Variants in LRBA observed in about 807,000 individuals in gnomAD.
LRBA encodes the protein lipopolysaccharide-responsive and beige-like anchor protein.
LRBA carries 176 observed loss-of-function variants against 330.0 expected under a neutral mutation model. That is an observed-to-expected ratio of 0.53 (90% CI 0.47 to 0.60). LRBA has a LOEUF of 0.60. Ranked by LOEUF, LRBA falls within the 20% of genes least tolerant of loss-of-function variation. The pLI, the probability that LRBA is intolerant of heterozygous loss-of-function variation, is 0.00. For synonymous variants in LRBA, 1,230 were observed against 1,193.0 expected (o/e 1.03, Z -0.64); for missense variants, 3,259 against 3,444.8 (o/e 0.95, Z 1.35).
At chr4:150,512,888 T>A (rs1038592084) in intron 40 of LRBA, among the ~76,000 whole-genome samples, 1 of 152,208 alleles carries the variant, frequency 6.6e-6, no homozygotes, top group Non-Finnish European at 1.5e-5. Context: ...AATTCTGCTT[T>A]AGAAGACAAG....
At chr4:150,859,540 A>G (rs1422324787) in intron 22 of LRBA, among the ~76,000 whole-genome samples, 1 of 152,132 alleles carries the variant, frequency 6.6e-6, no homozygotes, top group Non-Finnish European at 1.5e-5. Flanking sequence ...TACTAGGTGC[A>G]CTCTTTAAAA....
chr4:150,453,692 G>A (rs1291572900), intron 44 of LRBA, among the ~76,000 whole-genome samples: 3 of 151,838 alleles, frequency 2.0e-5, no homozygotes, highest in East Asian at 1.9e-4. Context: ...ATATATACAC[G>A]TACACTATCT....
chr4:150,553,419 A>G (rs1032142846), intron 40 of LRBA, among the ~76,000 whole-genome samples: 1 of 151,998 alleles, frequency 6.6e-6, no homozygotes, highest in Admixed American at 6.6e-5. Context: ...GTACATATGT[A>G]ACAAACCTGC....
In LRBA at chr4:150,651,321, G is replaced by A. The variant is rs188182743; in HGVS notation, c.5921+32230C>T. On this transcript the variant is annotated intron_variant, in intron 37 of 56. Transcript: ENST00000651943. ...ATCCCCAATAACAACTAAGTTCTAT[G>A]TGCACGGTGACACGGCTATCCTGTT... 9.2e-5 allele frequency among the ~76,000 whole-genome samples: 14 copies of A among 152,240 alleles called. No homozygotes were observed. The East Asian group carries it at 2.3e-3, about 25-fold the overall frequency.
At chr4:150,947,145 T>A (rs1340958083) in intron 2 of LRBA, among the ~76,000 whole-genome samples, 2 of 151,022 alleles carry the variant, frequency 1.3e-5, no homozygotes, top group East Asian at 1.9e-4. Context: ...TAAATATTTT[T>A]TAAAAAATTA....
intron 37 of LRBA, among the ~76,000 whole-genome samples, chr4:150,640,567 G>C (rs551374635): frequency 1.3e-5 from 2 of 152,110 alleles, no homozygotes; most frequent in Non-Finnish European, 2.9e-5. Context: ...CAAACTACCT[G>C]TGATATAAAG....
At chr4:150,408,821 T>A (rs1746556370) in intron 47 of LRBA, among the ~76,000 whole-genome samples, 1 of 152,154 alleles carries the variant, frequency 6.6e-6, no homozygotes, top group Non-Finnish European at 1.5e-5. Context: ...CCTATTCCAA[T>A]ATCACATAGA....
At chr4:150,718,423 C>T (rs552846671) in intron 36 of LRBA, among the ~76,000 whole-genome samples, 1 of 151,968 alleles carries the variant, frequency 6.6e-6, no homozygotes, top group South Asian at 2.1e-4. Context: ...AGCTTGAATT[C>T]AAGGCTGAAT....
chr4:150,890,034 G>C (rs959786634), intron 17 of LRBA, among the ~76,000 whole-genome samples: 1 of 152,044 alleles, frequency 6.6e-6, no homozygotes, highest in African/African-American at 2.4e-5. Context: ...AGCCATAAAC[G>C]GGAAGAAGAC....
chr4:150,636,906 C>T (rs561530628), intron 37 of LRBA, among the ~76,000 whole-genome samples: 1 of 152,110 alleles, frequency 6.6e-6, no homozygotes, highest in Non-Finnish European at 1.5e-5. Flanking sequence ...CCTCTGCCTC[C>T]CAAAATGCTG....
At chr4:150,883,977 T>A (rs996495102) in intron 17 of LRBA, among the ~76,000 whole-genome samples, 3 of 152,040 alleles carry the variant, frequency 2.0e-5, no homozygotes, top group Non-Finnish European at 4.4e-5. Flanking sequence ...CCGAAAAAAA[T>A]TTTCACTGAA....
rs200728964 is a variant in LRBA at position 150,611,732 on chromosome 4, CA to C, written c.5922-12602del. On this transcript the variant is annotated intron_variant, in intron 37 of 56. Transcript: ENST00000651943. ...AACTAAGTACTGTGTAGTGCAGGGT[CA>C]GTATTTGTAAGTAAGTAGCCTGAAA... Among the ~76,000 whole-genome samples, 1,263 of 152,116 alleles carry C rather than the reference CA, an allele frequency of 8.3e-3. 12 individuals carry two copies. The highest frequency in any genetic ancestry group is 0.029 in the African/African-American group (1,197 of 41,506).
intron 40 of LRBA, among the ~76,000 whole-genome samples, chr4:150,587,351 T>C (rs756435442): frequency 2.0e-5 from 3 of 152,158 alleles, no homozygotes; most frequent in Non-Finnish European, 4.4e-5. Flanking sequence ...AGATTGCTTA[T>C]TTTGCTCATT....
intron 2 of LRBA, among the ~76,000 whole-genome samples, chr4:150,967,001 T>A (rs1165581213): frequency 6.6e-6 from 1 of 152,360 alleles, no homozygotes; most frequent in East Asian, 1.9e-4. Flanking sequence ...CTATCTCTTA[T>A]TAGTTATTTG....
chr4:150,946,146 T>C (rs908542546), intron 2 of LRBA, among the ~76,000 whole-genome samples: 5 of 152,322 alleles, frequency 3.3e-5, no homozygotes, highest in Middle Eastern at 6.8e-3. Flanking sequence ...TTATTTATTA[T>C]GAAATAAACA....
chr4:150,993,807 C>T (rs779519198), intron 2 of LRBA, among the ~76,000 whole-genome samples: 28 of 152,014 alleles, frequency 1.8e-4, no homozygotes, highest in Admixed American at 5.2e-4. Context: ...TATCTCACAC[C>T]GGGTCCCTCC....
At position 150,497,785 on chromosome 4, in the gene LRBA, T is replaced by C. The variant is rs569042531; in HGVS notation, c.6331-6750A>G. Among the ~76,000 whole-genome samples the C allele has an allele frequency of 3.3e-5, 5 of 152,252 alleles. No homozygotes were observed. In the South Asian group the frequency reaches 1.0e-3, roughly 32 times the overall value. ...AGTTGGGAGGGGCAAGAGGGGAGCC[T>C]ACAAACACACACACTCTTATGTTTT... On this transcript the variant is annotated intron_variant, in intron 40 of 56. Coordinates refer to ENST00000651943, the MANE Select transcript of LRBA (RefSeq NM_001364905.1).
At chr4:150,514,981 A>T (rs1762190873) in intron 40 of LRBA, among the ~76,000 whole-genome samples, 2 of 152,138 alleles carry the variant, frequency 1.3e-5, no homozygotes, top group South Asian at 4.1e-4. Flanking sequence ...CTCGCCTTAA[A>T]CTACCGTTGA....
chr4:150,398,938 T>C (rs1331254635), intron 47 of LRBA, among the ~76,000 whole-genome samples: 3 of 152,150 alleles, frequency 2.0e-5, no homozygotes, highest in Non-Finnish European at 2.9e-5. Flanking sequence ...CTTTTCAATA[T>C]TGTTTTTGAA....
Sources: allele counts gnomAD v4.1 joint callset (sites outside exome capture counted in the v4.1 genomes callset), GRCh38; gene constraint gnomAD v4.1.1; transcripts MANE v1.5; gene names NCBI Gene and HGNC (gene_info 2026-07-23, HGNC 2026-07-21).